Variants in ADARB2 observed in about 807,000 individuals in gnomAD.
ADARB2 encodes adenosine deaminase RNA specific B2 (inactive).
A neutral mutation model predicts 62.2 loss-of-function variants in ADARB2; 25 were observed. The ratio of observed to expected loss-of-function variants is 0.40; its 90% CI spans 0.29 to 0.56. The LOEUF is 0.56. Ranked by LOEUF, ADARB2 falls within the 20% of genes least tolerant of loss-of-function variation. ADARB2 has a pLI of 0.43. For synonymous variants in ADARB2, 572 were observed against 500.8 expected (o/e 1.14, Z -1.90); for missense variants, 1,071 against 1,077.4 (o/e 0.99, Z 0.08).
chr10:1,568,324 T>C (rs1002865236), intron 1 of ADARB2, among the ~76,000 whole-genome samples: 3 of 152,078 alleles, frequency 2.0e-5, no homozygotes, highest in African/African-American at 7.2e-5. Context: ...GAAGGGCTCC[T>C]GCACCAGCAG....
At chr10:1,343,685 T>C (rs1389389185) in intron 3 of ADARB2, among the ~76,000 whole-genome samples, 2 of 152,344 alleles carry the variant, frequency 1.3e-5, no homozygotes, top group East Asian at 1.9e-4. Flanking sequence ...TGGAATACTA[T>C]GCAGCCATAA....
intron 3 of ADARB2, among the ~76,000 whole-genome samples, chr10:1,356,404 CT>C (rs1832195891): frequency 2.0e-5 from 3 of 152,198 alleles, no homozygotes; most frequent in Admixed American, 6.5e-5. Flanking sequence ...GACCCACCCC[CT>C]GGAGGGCTTC....
At chr10:1,641,050 C>T (rs1402319516) in intron 1 of ADARB2, among the ~76,000 whole-genome samples, 1 of 152,176 alleles carries the variant, frequency 6.6e-6, no homozygotes, top group Admixed American at 6.5e-5. Context: ...TCTTAGTTAT[C>T]TTTGCTAAAA....
At chr10:1,526,453 G>A (rs1832143642) in intron 1 of ADARB2, among the ~76,000 whole-genome samples, 1 of 152,082 alleles carries the variant, frequency 6.6e-6, no homozygotes, top group African/African-American at 2.4e-5. Flanking sequence ...GCTGGGGTCA[G>A]GGGTGGATCC....
intron 6 of ADARB2, among the ~76,000 whole-genome samples, chr10:1,227,281 C>T (rs1177575364): frequency 1.3e-5 from 2 of 152,194 alleles, no homozygotes; most frequent in African/African-American, 2.4e-5. Context: ...GTGGGAGTGA[C>T]CCGATTTTCC....
intron 1 of ADARB2, among the ~76,000 whole-genome samples, chr10:1,552,043 T>C (rs2676762): frequency 0.93 from 141,432 of 152,216 alleles, 66,256 homozygotes; most frequent in East Asian, 1. Context: ...TCCTCCCGCA[T>C]GTGGCCTGAG....
At chr10:1,615,145 A>C (rs1050574998) in intron 1 of ADARB2, among the ~76,000 whole-genome samples, 3 of 152,166 alleles carry the variant, frequency 2.0e-5, no homozygotes, top group African/African-American at 7.2e-5. Flanking sequence ...TAATGACAAA[A>C]ATTACAATAG....
intron 1 of ADARB2, among the ~76,000 whole-genome samples, chr10:1,675,638 G>A (rs758163470): frequency 1.3e-5 from 2 of 151,724 alleles, no homozygotes; most frequent in Non-Finnish European, 2.9e-5. Context: ...GGAGGTTTGG[G>A]TTCAGGGATG....
chr10:1,735,794 C>T (rs1400511228), intron 1 of ADARB2, among the ~76,000 whole-genome samples: 1 of 152,198 alleles, frequency 6.6e-6, no homozygotes, highest in East Asian at 1.9e-4. Flanking sequence ...TCCCAGTGGT[C>T]CTGACGTTCG....
chr10:1,405,456 C>G (rs892015894), intron 1 of ADARB2, among the ~76,000 whole-genome samples: 43 of 151,942 alleles, frequency 2.8e-4, no homozygotes, highest in African/African-American at 1.0e-3. Context: ...GTGGCAAAAC[C>G]CTGTCTCTAC....
intron 3 of ADARB2, among the ~76,000 whole-genome samples, chr10:1,313,344 G>A (rs1191742022): frequency 6.6e-6 from 1 of 152,204 alleles, no homozygotes; most frequent in Non-Finnish European, 1.5e-5. Flanking sequence ...AGCCAGGGGT[G>A]TCCTGCTGCC....
Position 1,375,777 on chromosome 10 carries a change from T to C in ADARB2, c.187+3297A>G, listed in dbSNP as rs181314284. On this transcript the variant is annotated intron_variant, in intron 2 of 9. Coordinates refer to ENST00000381312, the MANE Select transcript of ADARB2 (RefSeq NM_018702.4). Reference sequence around the variant, plus strand: ...ACACACATGCACACACGCACACATGTGCACACACATGCACACACGCACACA... The same window carrying C: ...ACACACATGCACACACGCACACATGCGCACACACATGCACACACGCACACA... 1.3e-3 allele frequency among the ~76,000 whole-genome samples: 199 copies of C among 150,676 alleles called. 1 individual carries two copies. Among genetic ancestry groups the C allele is most frequent in the African/African-American group, 4.7e-3 (190 of 40,608 alleles).
rs567696360 is a variant in ADARB2, at chr10:1,209,719, C to CCACACCCA, written c.1682+7224_1682+7231dup. Among the ~76,000 whole-genome samples, 43 of 152,108 alleles carry CCACACCCA rather than the reference C, an allele frequency of 2.8e-4. 1 individual carries two copies. Among genetic ancestry groups the CCACACCCA allele is most frequent in the Admixed American group, 2.1e-3 (32 of 15,276 alleles). On this transcript the variant is annotated intron_variant, in intron 7 of 9. Coordinates refer to ENST00000381312, the MANE Select transcript of ADARB2 (RefSeq NM_018702.4). ...CCCATGCCCACACCTACAGCTTGGC[C>CCACACCCA]CACACCCACACACCCACACCACACT...
At chr10:1,229,164 A>T (rs1024020051) in intron 6 of ADARB2, among the ~76,000 whole-genome samples, 5 of 152,236 alleles carry the variant, frequency 3.3e-5, no homozygotes, top group Non-Finnish European at 5.9e-5. Flanking sequence ...TGAGGCCTCC[A>T]GGAATGGGGA....
At chr10:1,413,121 C>T (rs1170770049) in intron 1 of ADARB2, among the ~76,000 whole-genome samples, 1 of 152,102 alleles carries the variant, frequency 6.6e-6, no homozygotes, top group Non-Finnish European at 1.5e-5. Flanking sequence ...GAACGGTCTG[C>T]AGGCAGGAGA....
chr10:1,393,634 A>G (rs1832588160), intron 1 of ADARB2, among the ~76,000 whole-genome samples: 2 of 152,192 alleles, frequency 1.3e-5, no homozygotes, highest in Non-Finnish European at 2.9e-5. Context: ...CACAGCGACT[A>G]TGGTACTGTG....
At chr10:1,185,874 G>A (rs1160537498) in intron 8 of ADARB2, among the ~76,000 whole-genome samples, 7 of 152,352 alleles carry the variant, frequency 4.6e-5, no homozygotes, top group African/African-American at 1.7e-4. Context: ...GGTGGATGAG[G>A]AGGTCTCCAC....
chr10:1,233,864 T>C lies in ADARB2; in HGVS notation c.1362-19A>G. 6.2e-7 allele frequency: 1 copy of C among 1,607,900 alleles called. No homozygotes were observed. Among genetic ancestry groups the C allele is most frequent in the Middle Eastern group, 1.7e-4 (1 of 6,036 alleles). ...CCGCTTGCTAGGGTCACAAAGAGGT[T>C]TGGGGTCATTTATCACAAACCAAAC... On this transcript the variant is annotated intron_variant, in intron 5 of 9. Coordinates refer to ENST00000381312, the MANE Select transcript of ADARB2 (RefSeq NM_018702.4).
At chr10:1,556,569 G>C (rs1467181071) in intron 1 of ADARB2, 2 of 429,656 alleles carry the variant, frequency 4.7e-6, no homozygotes, top group Non-Finnish European at 9.8e-6. Flanking sequence ...TCCATGGTCT[G>C]GGGAGGGCCT....
Sources: allele counts gnomAD v4.1 joint callset (sites outside exome capture counted in the v4.1 genomes callset), GRCh38; gene constraint gnomAD v4.1.1; transcripts MANE v1.5; gene names NCBI Gene and HGNC (gene_info 2026-07-23, HGNC 2026-07-21).